The following FBXO33 variants were observed in gnomAD, a reference collection of about 807,000 sequenced individuals.
FBXO33 encodes F-box protein 33.
In FBXO33, 22 loss-of-function variants were observed where a neutral mutation model predicts 46.3. The observed-to-expected ratio is 0.48, with a 90% CI of 0.34 to 0.68. The LOEUF is 0.68. FBXO33 is among the 30% of genes least tolerant of loss of function. FBXO33 has a pLI of 0.01. For missense variants in FBXO33, 692 were observed against 708.8 expected (o/e 0.98, Z 0.27); for synonymous variants, 337 against 291.3 (o/e 1.16, Z -1.60).
At chr14:39,411,016 TC>T (rs2075419508) in intron 1 of FBXO33, among the ~76,000 whole-genome samples, 2 of 152,206 alleles carry the variant, frequency 1.3e-5, no homozygotes, top group South Asian at 4.1e-4. Flanking sequence ...ATTTATTATT[TC>T]CTTTCTTCTG....
intron 1 of FBXO33, among the ~76,000 whole-genome samples, chr14:39,423,804 T>G (rs1314269943): frequency 1.3e-5 from 2 of 152,158 alleles, no homozygotes; most frequent in East Asian, 3.8e-4. Flanking sequence ...ATGTTCTGTT[T>G]CTTTTTAAAA....
intron 1 of FBXO33, among the ~76,000 whole-genome samples, chr14:39,421,761 C>G (rs2075485313): frequency 6.8e-6 from 1 of 147,820 alleles, no homozygotes; most frequent in African/African-American, 2.5e-5. Flanking sequence ...TATCCAAACC[C>G]TAGCTATTTG....
intron 1 of FBXO33, among the ~76,000 whole-genome samples, chr14:39,429,432 T>A (rs1021360055): frequency 1.3e-5 from 2 of 152,252 alleles, no homozygotes; most frequent in Non-Finnish European, 2.9e-5. Flanking sequence ...TAATAGGCTT[T>A]ACTAGTCACT....
chr14:39,426,720 T>C (rs1567079341), intron 1 of FBXO33, among the ~76,000 whole-genome samples: 1 of 152,218 alleles, frequency 6.6e-6, no homozygotes, highest in Non-Finnish European at 1.5e-5. Flanking sequence ...GTTTCTTGTG[T>C]GTGGAATGCT....
intron 1 of FBXO33, among the ~76,000 whole-genome samples, chr14:39,427,316 C>G (rs2075520861): frequency 1.3e-5 from 2 of 152,308 alleles, no homozygotes; most frequent in South Asian, 4.1e-4. Context: ...AACTTTGAGG[C>G]TATCCCTAAG....
At chr14:39,402,157 G>C (rs1473351329) in intron 2 of FBXO33, among the ~76,000 whole-genome samples, 1 of 152,160 alleles carries the variant, frequency 6.6e-6, no homozygotes, top group Non-Finnish European at 1.5e-5. Context: ...TTATGTTATA[G>C]CAAAGGCAAG....
intron 1 of FBXO33, among the ~76,000 whole-genome samples, chr14:39,412,840 T>C (rs1157357309): frequency 1.3e-5 from 2 of 152,266 alleles, no homozygotes; most frequent in Non-Finnish European, 2.9e-5. Context: ...AACAGCGTTA[T>C]GTCTAAAAAA....
chr14:39,409,594 T>C (rs1044168185), intron 1 of FBXO33, among the ~76,000 whole-genome samples: 2 of 152,212 alleles, frequency 1.3e-5, no homozygotes, highest in Non-Finnish European at 2.9e-5. Flanking sequence ...TTTAGGGTTG[T>C]TTTTCTATTT....
rs771092232 is a variant in FBXO33, at chr14:39,401,485, G to T, written c.1087C>A (p.Leu363Met). Residue 363 changes from leucine to methionine, a missense_variant, in exon 3 of 4, where the codon CTG becomes ATG. Leu to Met is a conservative substitution (Grantham distance 15). Around this residue, in one of 3 missense-constraint regions of FBXO33, gnomAD observed 186 missense variants for 246.1 expected, o/e 0.76. Coordinates refer to ENST00000298097, the MANE Select transcript of FBXO33 (RefSeq NM_203301.4). ...CGAAAGCTGGTGCTCTTTCGTGACA[G>T]GGCTTTCCAATGCTCATCATTTGGC... ...NMPNDEHWKA[L>M]SRKSTSFRVY... is the part of the protein sequence containing the mutation. 1.4e-5 allele frequency: 22 copies of T among 1,614,056 alleles called. No individual in the cohort carries two copies. Among genetic ancestry groups the T allele is most frequent in the Non-Finnish European group, 1.9e-5 (22 of 1,180,040 alleles).
Position 39,401,241 on chromosome 14 carries a change from C to T in FBXO33, c.1331G>A (p.Arg444Gln), listed in dbSNP as rs1346095296. The stretch of plus-strand genomic sequence containing the variant: ...TAATAAAACCAACGGATCTTCATTT[C>T]GGTTGTCACTAAGATCTGGAAAACC... ...TSGFPDLSDN[R>Q]NEDPLVLLAW... Residue 444 changes from arginine to glutamine, a missense_variant, in exon 3 of 4, where the codon CGA becomes CAA. Physicochemically the swap from Arg to Gln is conservative, Grantham distance 43 (BLOSUM62 1). Around this residue, in one of 3 missense-constraint regions of FBXO33, gnomAD observed 186 missense variants for 246.1 expected, o/e 0.76. Coordinates refer to ENST00000298097, the MANE Select transcript of FBXO33 (RefSeq NM_203301.4). 6.2e-6 allele frequency: 10 copies of T among 1,613,138 alleles called. No individual in the cohort carries two copies. The highest frequency in any genetic ancestry group is 4.0e-5 in the African/African-American group (3 of 74,958).
chr14:39,412,958 A>G (rs895068651), intron 1 of FBXO33, among the ~76,000 whole-genome samples: 1 of 152,248 alleles, frequency 6.6e-6, no homozygotes, highest in African/African-American at 2.4e-5. Context: ...CCTTGTCCCA[A>G]TATCGGATGG....
chr14:39,403,854 C>T (rs536599542), intron 1 of FBXO33, among the ~76,000 whole-genome samples: 21 of 148,592 alleles, frequency 1.4e-4, no homozygotes, highest in Admixed American at 8.7e-4. Flanking sequence ...CAGGTTGGAG[C>T]GCAGTGGTAT....
intron 1 of FBXO33, among the ~76,000 whole-genome samples, chr14:39,405,476 T>C (rs982020451): frequency 2.8e-5 from 4 of 142,802 alleles, no homozygotes; most frequent in African/African-American, 9.7e-5. Flanking sequence ...ATATTAGAAA[T>C]GAAAATCAGG....
At chr14:39,421,713 A>C (rs144042891) in intron 1 of FBXO33, among the ~76,000 whole-genome samples, 1 of 152,160 alleles carries the variant, frequency 6.6e-6, no homozygotes, top group East Asian at 1.9e-4. Context: ...TAAATGAGTT[A>C]AACAACAAAG....
intron 1 of FBXO33, among the ~76,000 whole-genome samples, chr14:39,422,609 C>T (rs2075490718): frequency 6.6e-6 from 1 of 152,206 alleles, no homozygotes; most frequent in African/African-American, 2.4e-5. Flanking sequence ...CATTGCTTTC[C>T]ATGCTGTGTC....
intron 1 of FBXO33, among the ~76,000 whole-genome samples, chr14:39,428,614 GA>G (rs2075527884): frequency 6.6e-6 from 1 of 152,148 alleles, no homozygotes; most frequent in Non-Finnish European, 1.5e-5. Context: ...ACCAGATGAA[GA>G]CAATGTGCCT....
At chr14:39,421,211 T>C (rs980020962) in intron 1 of FBXO33, among the ~76,000 whole-genome samples, 18 of 152,232 alleles carry the variant, frequency 1.2e-4, no homozygotes, top group Non-Finnish European at 2.2e-4. Context: ...TTTTGAGGTT[T>C]TGAAAAGTAG....
chr14:39,406,194 AGG>A (rs1262423854), intron 1 of FBXO33, among the ~76,000 whole-genome samples: 1 of 152,138 alleles, frequency 6.6e-6, no homozygotes, highest in East Asian at 1.9e-4. Flanking sequence ...AAAAAATTAA[AGG>A]CTTCTAAAAG....
Position 39,431,783 on chromosome 14 carries a change from A to C in FBXO33, c.380T>G (p.Phe127Cys). The change falls in exon 1 of 4, where the codon TTC becomes TGC. Residue 127 changes from phenylalanine (F) to cysteine (C), a missense_variant. By Grantham distance (205) the Phe-to-Cys change is radical. Transcript: ENST00000298097. ...GAACCAGCCGCACTTGCGCATGAGG[A>C]ATTCCAGCCGAGGCTGCTCCGCGGG... The part of the protein sequence containing the change: ...VSPAEQPRLE[F>C]LMRKCGWFVR... 1 of 1,612,644 alleles carries C rather than the reference A, an allele frequency of 6.2e-7. No homozygotes were observed. Among genetic ancestry groups the C allele is most frequent in the African/African-American group, 1.3e-5 (1 of 75,054 alleles).
Sources: allele counts gnomAD v4.1 joint callset (sites outside exome capture counted in the v4.1 genomes callset), GRCh38; gene constraint gnomAD v4.1.1; regional missense constraint gnomAD v4.1.1; transcripts MANE v1.5; gene names NCBI Gene and HGNC (gene_info 2026-07-23, HGNC 2026-07-21).